Variants in NKAIN2 observed in about 807,000 individuals in gnomAD.
NKAIN2 encodes the protein sodium/potassium-transporting ATPase subunit beta-1-interacting protein 2.
Under a neutral mutation model 32.6 loss-of-function variants are expected in NKAIN2, and 14 were observed. The ratio of observed to expected loss-of-function variants is 0.43; its 90% CI spans 0.28 to 0.67. The LOEUF (loss-of-function observed/expected upper bound fraction) is 0.67, where lower values mean the gene tolerates loss of function less well. Among genes scored for constraint, NKAIN2 ranks in the 30% least tolerant of loss-of-function variants. The probability of loss-of-function intolerance (pLI) is 0.17; values close to 1 mark genes in which losing one functional copy is unlikely to be tolerated. For missense variants in NKAIN2, 198 were observed against 258.3 expected, an observed-to-expected ratio of 0.77 and a Z score of 1.60; for synonymous variants, 80 against 87.2, an observed-to-expected ratio of 0.92 and a Z score of 0.46.
intron 3 of NKAIN2, among the ~76,000 whole-genome samples, chr6:124,389,781 A>T (rs74400296): frequency 0.069 from 10,426 of 151,610 alleles, 997 homozygotes; most frequent in African/African-American, 0.22. Context: ...AGAAAAGAAA[A>T]TAAAAGATAA....
chr6:124,458,055 C>T (rs1181884620), intron 3 of NKAIN2, among the ~76,000 whole-genome samples: 1 of 151,898 alleles, frequency 6.6e-6, no homozygotes, highest in Non-Finnish European at 1.5e-5. Context: ...TAAACTGAAA[C>T]ATAAGTTGTT....
chr6:124,355,863 A>G (rs1299563188), intron 3 of NKAIN2, among the ~76,000 whole-genome samples: 1 of 152,130 alleles, frequency 6.6e-6, no homozygotes, highest in Non-Finnish European at 1.5e-5. Flanking sequence ...TGCTTTTTTC[A>G]TTTAGTTTTT....
At chr6:123,857,769 C>T (rs1312777184) in intron 1 of NKAIN2, among the ~76,000 whole-genome samples, 2 of 152,050 alleles carry the variant, frequency 1.3e-5, no homozygotes, top group Admixed American at 6.5e-5. Flanking sequence ...AGAACACTAT[C>T]GATTGTATTC....
chr6:124,584,086 A>G (rs1303526188), intron 3 of NKAIN2, among the ~76,000 whole-genome samples: 1 of 152,190 alleles, frequency 6.6e-6, no homozygotes, highest in Non-Finnish European at 1.5e-5. Context: ...GGCCTAGGCA[A>G]AGATTTCTTG....
At chr6:124,132,011 G>T (rs1786505421) in intron 1 of NKAIN2, among the ~76,000 whole-genome samples, 1 of 152,144 alleles carries the variant, frequency 6.6e-6, no homozygotes, top group African/African-American at 2.4e-5. Flanking sequence ...GAAGCTTATG[G>T]CCTGGGGCAG....
chr6:124,396,896 G>A (rs960437925), intron 3 of NKAIN2, among the ~76,000 whole-genome samples: 3 of 152,122 alleles, frequency 2.0e-5, no homozygotes, highest in African/African-American at 7.2e-5. Context: ...GCATTATTTA[G>A]TCTTTCTTAT....
intron 4 of NKAIN2, among the ~76,000 whole-genome samples, chr6:124,750,781 C>T (rs1459319339): frequency 6.6e-6 from 1 of 151,978 alleles, no homozygotes; most frequent in Non-Finnish European, 1.5e-5. Context: ...TCAAGCAAAA[C>T]ATTTGCATTC....
At chr6:124,525,491 CAA>C (rs1779277217) in intron 3 of NKAIN2, among the ~76,000 whole-genome samples, 1 of 151,938 alleles carries the variant, frequency 6.6e-6, no homozygotes, top group African/African-American at 2.4e-5. Flanking sequence ...ATGATTCTAA[CAA>C]ATTCATAAGT....
At chr6:124,504,176 C>T (rs574824737) in intron 3 of NKAIN2, among the ~76,000 whole-genome samples, 1 of 152,174 alleles carries the variant, frequency 6.6e-6, no homozygotes, top group African/African-American at 2.4e-5. Flanking sequence ...ACCAGTATAG[C>T]AGTCACTACC....
At chr6:124,544,677 G>C (rs80128418) in intron 3 of NKAIN2, among the ~76,000 whole-genome samples, 16 of 151,916 alleles carry the variant, frequency 1.1e-4, no homozygotes, top group African/African-American at 3.9e-4. Flanking sequence ...AAAAAAAAAA[G>C]ATGATGTCTG....
rs952737677 is a variant in NKAIN2 at position 124,345,359 on chromosome 6, G to T, written c.193-9908G>T. On this transcript the variant is annotated intron_variant, in intron 2 of 6. Transcript: ENST00000368417. ...GATGCTGGCCTCATAAAATGAGTTA[G>T]GGAGGATTCCCTCTTTTTCTGTTGT... Among the ~76,000 whole-genome samples the T allele has an allele frequency of 2.6e-5, 4 of 152,152 alleles. No individual in the cohort carries two copies. The East Asian group carries it at 5.8e-4, about 22-fold the overall frequency.
chr6:124,197,233 G>A (rs771491096), intron 1 of NKAIN2, among the ~76,000 whole-genome samples: 1 of 151,754 alleles, frequency 6.6e-6, no homozygotes, highest in Non-Finnish European at 1.5e-5. Flanking sequence ...TTTGTCCCCA[G>A]TTCATAAATG....
At chr6:123,909,482 G>A (rs1219024230) in intron 1 of NKAIN2, among the ~76,000 whole-genome samples, 3 of 152,160 alleles carry the variant, frequency 2.0e-5, no homozygotes, top group African/African-American at 4.8e-5. Flanking sequence ...CGCCATGTGT[G>A]AGTCTCTGTG....
At chr6:124,135,360 T>C (rs1360554248) in intron 1 of NKAIN2, among the ~76,000 whole-genome samples, 3 of 151,848 alleles carry the variant, frequency 2.0e-5, no homozygotes, top group Non-Finnish European at 4.4e-5. Flanking sequence ...ACCAACCAAG[T>C]ATCTGCTATC....
At chr6:124,079,378 A>G (rs539871719) in intron 1 of NKAIN2, among the ~76,000 whole-genome samples, 2 of 152,160 alleles carry the variant, frequency 1.3e-5, no homozygotes, top group South Asian at 4.1e-4. Context: ...GACAAACTAT[A>G]GCAGAATTGG....
At chr6:123,826,005 A>G (rs867474180) in intron 1 of NKAIN2, among the ~76,000 whole-genome samples, 1 of 152,182 alleles carries the variant, frequency 6.6e-6, no homozygotes, top group African/African-American at 2.4e-5. Context: ...TTAAAAATAG[A>G]TAACTACTTT....
In NKAIN2 at chr6:124,611,590, G is replaced by A. The variant is rs183868761; in HGVS notation, c.274-46596G>A. On this transcript the variant is annotated intron_variant, in intron 3 of 6. Transcript: ENST00000368417. ...CCCCTCCCTCTGTCCATGTGTTCTC[G>A]TTGCTCAACTCCCACTTATGAGTGA... is the stretch of plus-strand genomic sequence containing the variant. Among the ~76,000 whole-genome samples, 7 of 152,104 alleles carry A rather than the reference G, an allele frequency of 4.6e-5. No homozygotes were observed. In the East Asian group the frequency reaches 5.8e-4, roughly 13 times the overall value.
intron 3 of NKAIN2, among the ~76,000 whole-genome samples, chr6:124,502,121 A>C (rs755288305): frequency 5.3e-5 from 8 of 152,020 alleles, no homozygotes; most frequent in Admixed American, 2.6e-4. Context: ...AATACAATAC[A>C]ATATAATATA....
At chr6:124,355,467 AG>A (rs1798928618) in intron 3 of NKAIN2, 120 bp downstream of exon 3, 1 of 640,686 alleles carries the variant, frequency 1.6e-6, no homozygotes, top group African/African-American at 1.8e-5. Context: ...GTAAATTGAA[AG>A]GTGTCTTGAT....
Sources: allele counts gnomAD v4.1 joint callset (sites outside exome capture counted in the v4.1 genomes callset), GRCh38; gene constraint gnomAD v4.1.1; transcripts MANE v1.5; gene names NCBI Gene and HGNC (gene_info 2026-07-23, HGNC 2026-07-21).